Variants in SIM2 observed in about 807,000 individuals in gnomAD.
SIM2 encodes SIM bHLH transcription factor 2.
In SIM2, 28 loss-of-function variants were observed where a neutral mutation model predicts 64.8. That is an observed-to-expected ratio of 0.43 (90% CI 0.32 to 0.59). The LOEUF is 0.59. SIM2 is among the 20% of genes least tolerant of loss of function. SIM2 has a pLI of 0.07. For missense variants in SIM2, 847 were observed against 871.4 expected, an observed-to-expected ratio of 0.97 and a Z score of 0.35; for synonymous variants, 408 against 391.1, an observed-to-expected ratio of 1.04 and a Z score of -0.51.
Position 36,731,142 on chromosome 21 carries a change from C to T in SIM2, c.841C>T (p.His281Tyr). ...CGACGTGTTCCACCTCCGCTACGCA[C>T]ACCACCTCCGTGAGTAGCACGCCCA... ...GCDVFHLRYA[H>Y]HLLLVKGQVT... Residue 281 changes from histidine to tyrosine, a missense_variant, in exon 7 of 11, where the codon CAC becomes TAC. Around this residue, in one of 3 missense-constraint regions of SIM2, gnomAD observed 397 missense variants for 439.2 expected, o/e 0.90. Coordinates refer to ENST00000290399, the MANE Select transcript of SIM2 (RefSeq NM_005069.6). 1 of 1,613,556 alleles carries T rather than the reference C, an allele frequency of 6.2e-7. No homozygotes were observed. Among genetic ancestry groups the T allele is most frequent in the Non-Finnish European group, 8.5e-7 (1 of 1,179,728 alleles).
At chr21:36,720,017 C>T in intron 4 of SIM2, 88 bp downstream of exon 4, 1 of 945,886 alleles carries the variant, frequency 1.1e-6, no homozygotes, top group Non-Finnish European at 1.7e-6. Flanking sequence ...CCCACATCTG[C>T]CAAGTGGCTG....
intron 7 of SIM2, among the ~76,000 whole-genome samples, chr21:36,735,955 T>C (rs529663706): frequency 5.3e-5 from 8 of 152,312 alleles, no homozygotes; most frequent in South Asian, 2.1e-4. Flanking sequence ...CCAGACTTCC[T>C]ATTCAGCCTC....
chr21:36,740,518 G>A (rs1190221555), intron 7 of SIM2, among the ~76,000 whole-genome samples: 2 of 152,098 alleles, frequency 1.3e-5, no homozygotes, highest in African/African-American at 4.8e-5. Flanking sequence ...TATATATTAA[G>A]GTGAATAACT....
intron 6 of SIM2, 46 bp from the exon 7 acceptor site, chr21:36,730,999 C>G: frequency 7.5e-7 from 1 of 1,335,800 alleles, no homozygotes; most frequent in Non-Finnish European, 1.1e-6. Flanking sequence ...AAATGAAAGG[C>G]AGTCTGCAGA....
chr21:36,719,745 G>C lies in SIM2; in HGVS notation c.349-76G>C, dbSNP rs572068374. The C allele has an allele frequency of 4.7e-6, 4 of 851,234 alleles. No individual in the cohort carries two copies. In the South Asian group the frequency reaches 5.4e-5, roughly 11 times the overall value. 52.7% of individuals were successfully genotyped at this position (851,234 alleles called of 1,614,324 possible). On this transcript the variant is annotated intron_variant, in intron 3 of 10. Coordinates refer to ENST00000290399, the MANE Select transcript of SIM2 (RefSeq NM_005069.6). Reference sequence around the variant, plus strand: ...TCTGTTCCTGGCAGGGTGAGCACCTGTGACACACCTTGCCCCTCCCCCTGC... The same window carrying C: ...TCTGTTCCTGGCAGGGTGAGCACCTCTGACACACCTTGCCCCTCCCCCTGC...
In SIM2 at chr21:36,749,737, G is replaced by A. The variant is rs1188850090; in HGVS notation, c.*1645G>A. The A allele has an allele frequency of 6.6e-6, 1 of 152,156 alleles. No homozygotes were observed. The highest frequency in any genetic ancestry group is 1.5e-5 in the Non-Finnish European group (1 of 68,036). 9.4% of individuals were successfully genotyped at this position (152,156 alleles called of 1,614,324 possible). ...AATTAAACCGTGATTCTTGAAAGGT[G>A]TAGGTTTGATTACTAGGAGATACCA... On this transcript the variant is annotated 3_prime_UTR_variant, in exon 11 of 11. Coordinates refer to ENST00000290399, the MANE Select transcript of SIM2 (RefSeq NM_005069.6).
intron 3 of SIM2, among the ~76,000 whole-genome samples, chr21:36,712,895 G>A (rs1249395405): frequency 1.3e-5 from 2 of 152,116 alleles, no homozygotes; most frequent in Admixed American, 6.5e-5. Context: ...GCCAAAACCC[G>A]GACTATCTGC....
intron 1 of SIM2, among the ~76,000 whole-genome samples, chr21:36,702,860 T>C (rs1374968265): frequency 6.7e-6 from 1 of 148,362 alleles, no homozygotes; most frequent in Non-Finnish European, 1.5e-5. Flanking sequence ...GAGGAATTGA[T>C]CTGCCAAGGG....
intron 3 of SIM2, among the ~76,000 whole-genome samples, chr21:36,712,829 C>T (rs1277221243): frequency 2.0e-5 from 3 of 152,000 alleles, no homozygotes; most frequent in Non-Finnish European, 2.9e-5. Context: ...TTTCTTTTTC[C>T]CTTGGGGTTT....
intron 6 of SIM2, among the ~76,000 whole-genome samples, chr21:36,727,396 G>A (rs1383626172): frequency 2.6e-5 from 4 of 152,196 alleles, no homozygotes; most frequent in African/African-American, 9.7e-5. Context: ...AGGGTTTTGT[G>A]GTGTTTGTGG....
chr21:36,709,479 G>A, intron 2 of SIM2: 1 of 675,134 alleles, frequency 1.5e-6, no homozygotes, highest in African/African-American at 1.8e-5. Flanking sequence ...CCCCGCCGAA[G>A]GCCCCAGGAC....
At chr21:36,708,937 G>A (rs2088630608) in intron 1 of SIM2, among the ~76,000 whole-genome samples, 1 of 152,198 alleles carries the variant, frequency 6.6e-6, no homozygotes, top group Non-Finnish European at 1.5e-5. Context: ...ACAGGCGCCC[G>A]GGCTGCCGGC....
In SIM2 at chr21:36,705,446, T is replaced by C. The variant is rs1754471570; in HGVS notation, c.176-3722T>C. Among the ~76,000 whole-genome samples, 3 of 151,872 alleles carry C rather than the reference T, an allele frequency of 2.0e-5. No homozygotes were observed. In the South Asian group the frequency reaches 6.2e-4, roughly 32 times the overall value. On this transcript the variant is annotated intron_variant, in intron 1 of 10. Coordinates refer to ENST00000290399, the MANE Select transcript of SIM2 (RefSeq NM_005069.6). ...AGCTCCCCCTGGGGCGGGTGGTAAT[T>C]GGGGGAGGAGAGGCCGCAGGCAGGG...
At chr21:36,728,600 C>G (rs2088925547) in intron 6 of SIM2, among the ~76,000 whole-genome samples, 1 of 152,250 alleles carries the variant, frequency 6.6e-6, no homozygotes, top group Non-Finnish European at 1.5e-5. Flanking sequence ...TCTAGCAAAG[C>G]CTTGAGGCCT....
Position 36,726,123 on chromosome 21 carries a change from T to C in SIM2, c.548T>C (p.Ile183Thr), listed in dbSNP as rs2088886973. 6 of 1,613,110 alleles carry C rather than the reference T, an allele frequency of 3.7e-6. No individual in the cohort carries two copies. The highest frequency in any genetic ancestry group is 1.3e-5 in the African/African-American group (1 of 74,920). ...AGLTCSGYKV[I>T]HCSGYLKIRQ... ...CCCTGCCCTCTCCACTCCCAGGTCA[T>C]CCACTGCAGTGGCTACTTGAAGATC... Residue 183 changes from isoleucine to threonine, a missense_variant, in exon 6 of 11, where the codon ATC becomes ACC. This residue lies in a region of SIM2 where 397 missense variants were observed against 439.2 expected (regional missense o/e 0.90). Coordinates refer to ENST00000290399, the MANE Select transcript of SIM2 (RefSeq NM_005069.6). The surrounding 1 kb of genome is among the most constrained non-coding windows in gnomAD (Gnocchi z 4.5).
chr21:36,735,996 C>G (rs2089042073), intron 7 of SIM2, among the ~76,000 whole-genome samples: 1 of 152,224 alleles, frequency 6.6e-6, no homozygotes, highest in South Asian at 2.1e-4. Context: ...AGGGTCCCCA[C>G]TGTGGCCACT....
intron 4 of SIM2, among the ~76,000 whole-genome samples, chr21:36,721,443 G>A (rs545653323): frequency 6.6e-6 from 1 of 152,202 alleles, no homozygotes; most frequent in East Asian, 1.9e-4. Flanking sequence ...TTTTTGTTTT[G>A]TTTTGTTTTT....
At chr21:36,742,996 G>A (rs1235692670) in intron 8 of SIM2, among the ~76,000 whole-genome samples, 1 of 152,152 alleles carries the variant, frequency 6.6e-6, no homozygotes, top group East Asian at 1.9e-4. Context: ...CCGGACTCTT[G>A]CCTCCTGGGG....
chr21:36,741,847 T>C lies in SIM2; in HGVS notation c.981T>C (p.Ser327=). Residue 327 remains serine (S), a synonymous_variant, in exon 8 of 11, where the codon AGT becomes AGC. Transcript: ENST00000290399. ...SRSSRPHCIV[S]VNYVLTEIEY... ...CGTCCCGGCCCCACTGCATCGTGAG[T>C]GTCAATTATGTACTCACGTAAGTCA... is the stretch of plus-strand genomic sequence containing the variant. 1 of 1,596,114 alleles carries C rather than the reference T, an allele frequency of 6.3e-7. No individual in the cohort carries two copies. The highest frequency in any genetic ancestry group is 8.5e-7 in the Non-Finnish European group (1 of 1,171,358).
Sources: gnomAD v4.1 joint callset for allele counts (sites outside exome capture counted in the v4.1 genomes callset) on GRCh38, gnomAD v4.1.1 for gene constraint, gnomAD v4.1.1 regional missense constraint, Gnocchi (gnomAD v3.1) non-coding constraint, MANE v1.5 for transcripts, NCBI Gene and HGNC (gene_info 2026-07-23, HGNC 2026-07-21) for gene names.